MYO16: variants seen among roughly 807,000 people sequenced by gnomAD.
MYO16 encodes myosin XVI, also known as unconventional myosin-XVI.
MYO16 carries 94 observed loss-of-function variants against 205.3 expected under a neutral mutation model. The ratio of observed to expected loss-of-function variants is 0.46; its 90% CI spans 0.39 to 0.54. The LOEUF (loss-of-function observed/expected upper bound fraction) is 0.54, where lower values mean the gene tolerates loss of function less well. Among genes scored for constraint, MYO16 ranks in the 20% least tolerant of loss-of-function variants. The pLI is 0.00. For missense variants in MYO16, 2,315 were observed against 2,387.5 expected (o/e 0.97, Z 0.63); for synonymous variants, 988 against 954.0 (o/e 1.04, Z -0.66).
intron 22 of MYO16, among the ~76,000 whole-genome samples, chr13:109,013,988 A>T (rs1243336854): frequency 6.6e-6 from 1 of 152,210 alleles, no homozygotes; most frequent in East Asian, 1.9e-4. Context: ...CCATTTGTCT[A>T]TTTTGGCTTT....
rs138780410 is a variant in MYO16, at chr13:109,014,143, A to G, written c.2595+5094A>G. On this transcript the variant is annotated intron_variant, in intron 22 of 34. Coordinates refer to ENST00000457511, the MANE Select transcript of MYO16 (RefSeq NM_001198950.3). The stretch of plus-strand genomic sequence containing the variant: ...TAATCCATCTTGAATTAAATTTTGT[A>G]TAAGGTGTAAGGAAGGGATCCAGTT... Among the ~76,000 whole-genome samples, 41 of 152,282 alleles carry G rather than the reference A, an allele frequency of 2.7e-4. No homozygotes were observed. In the East Asian group the frequency reaches 7.5e-3, roughly 28 times the overall value.
At chr13:108,612,189 G>T (rs1879201826) in intron 1 of MYO16, among the ~76,000 whole-genome samples, 1 of 151,896 alleles carries the variant, frequency 6.6e-6, no homozygotes, top group Non-Finnish European at 1.5e-5. Context: ...AGCTCCTCTG[G>T]ACATACACTG....
chr13:108,923,920 T>C (rs1457903222), intron 16 of MYO16, among the ~76,000 whole-genome samples: 7 of 152,246 alleles, frequency 4.6e-5, no homozygotes, highest in Non-Finnish European at 1.0e-4. Context: ...AACTGACATA[T>C]TGGCATTGTT....
intron 29 of MYO16, among the ~76,000 whole-genome samples, chr13:109,124,420 T>G (rs1178965352): frequency 2.6e-5 from 4 of 152,218 alleles, no homozygotes; most frequent in Non-Finnish European, 5.9e-5. Flanking sequence ...AGCGGTATAT[T>G]TTGTCATTGA....
chr13:108,840,064 C>T (rs1395261805), intron 9 of MYO16, among the ~76,000 whole-genome samples: 1 of 152,182 alleles, frequency 6.6e-6, no homozygotes, highest in African/African-American at 2.4e-5. Context: ...ATAACTCACC[C>T]AAACTGGTAG....
chr13:108,823,031 G>T, intron 8 of MYO16, 94 bp from the exon 9 acceptor site: 3 of 1,176,316 alleles, frequency 2.6e-6, no homozygotes, highest in South Asian at 1.7e-5. Context: ...TAAATTTTTA[G>T]CATTTTAAGC....
At chr13:109,019,479 GT>G (rs1366793059) in intron 22 of MYO16, among the ~76,000 whole-genome samples, 1 of 151,948 alleles carries the variant, frequency 6.6e-6, no homozygotes, top group South Asian at 2.1e-4. Flanking sequence ...ATTACAATAC[GT>G]TTTTTACTTA....
chr13:108,696,993 A>AG (rs398024371), intron 2 of MYO16, among the ~76,000 whole-genome samples: 1 of 146,004 alleles, frequency 6.8e-6, no homozygotes, highest in Non-Finnish European at 1.5e-5. Flanking sequence ...AAAAAAAAAA[A>AG]TACCCTGCCC....
chr13:108,844,839 A>G (rs1231698742), intron 10 of MYO16, among the ~76,000 whole-genome samples: 1 of 152,178 alleles, frequency 6.6e-6, no homozygotes, highest in Admixed American at 6.6e-5. Context: ...TGACCCAAAT[A>G]TTTATGAACA....
At chr13:108,749,761 A>G (rs1024856139) in intron 4 of MYO16, among the ~76,000 whole-genome samples, 1 of 152,216 alleles carries the variant, frequency 6.6e-6, no homozygotes, top group Non-Finnish European at 1.5e-5. Flanking sequence ...ACAACCCAGC[A>G]ATCATGTTCC....
chr13:109,204,848 G>A (rs117461413), intron 34 of MYO16, among the ~76,000 whole-genome samples: 48 of 152,244 alleles, frequency 3.2e-4, no homozygotes, highest in Non-Finnish European at 5.9e-4. Context: ...AAGAGCTGAC[G>A]AGTTAATGCC....
intron 23 of MYO16, among the ~76,000 whole-genome samples, chr13:109,028,628 A>G (rs1886441929): frequency 6.6e-6 from 1 of 151,226 alleles, no homozygotes; most frequent in South Asian, 2.1e-4. Flanking sequence ...TTGTAATTTT[A>G]TGATGGCATA....
chr13:108,954,424 G>T (rs970794666), intron 16 of MYO16, among the ~76,000 whole-genome samples: 1 of 152,106 alleles, frequency 6.6e-6, no homozygotes, highest in East Asian at 1.9e-4. Flanking sequence ...ATGGAGAGGG[G>T]TTACAGTTTT....
intron 16 of MYO16, among the ~76,000 whole-genome samples, chr13:108,955,160 T>A (rs1883301561): frequency 6.6e-6 from 1 of 152,210 alleles, no homozygotes; most frequent in Non-Finnish European, 1.5e-5. Context: ...TTCAGGGTCA[T>A]GTTTGTCACC....
intron 1 of MYO16, among the ~76,000 whole-genome samples, chr13:108,663,274 T>G (rs1881583091): frequency 6.6e-6 from 1 of 151,860 alleles, no homozygotes; most frequent in African/African-American, 2.4e-5. Flanking sequence ...TCCACCATGA[T>G]CCCCTGAATC....
chr13:108,691,712 C>T (rs1882904132), intron 2 of MYO16, among the ~76,000 whole-genome samples: 1 of 152,148 alleles, frequency 6.6e-6, no homozygotes, highest in Admixed American at 6.6e-5. Context: ...CAAGGGGATA[C>T]AGGATGTACT....
chr13:108,819,749 T>A (rs1875862389), intron 7 of MYO16, among the ~76,000 whole-genome samples: 1 of 152,186 alleles, frequency 6.6e-6, no homozygotes, highest in Non-Finnish European at 1.5e-5. Flanking sequence ...AATGGTCCAA[T>A]GTGACTTTAG....
intron 2 of MYO16, among the ~76,000 whole-genome samples, chr13:108,684,232 G>T (rs1882583246): frequency 6.6e-6 from 1 of 152,172 alleles, no homozygotes; most frequent in Non-Finnish European, 1.5e-5. Flanking sequence ...TCCAAGCAGG[G>T]GCAACCCCTA....
intron 16 of MYO16, among the ~76,000 whole-genome samples, chr13:108,914,837 T>A (rs1159460572): frequency 1.3e-5 from 2 of 152,098 alleles, no homozygotes; most frequent in African/African-American, 4.8e-5. Flanking sequence ...GGGACGGGGT[T>A]TCACCATGTT....
Sources: allele counts gnomAD v4.1 joint callset (sites outside exome capture counted in the v4.1 genomes callset), GRCh38; gene constraint gnomAD v4.1.1; transcripts MANE v1.5; gene names NCBI Gene and HGNC (gene_info 2026-07-23, HGNC 2026-07-21).